Variants in WDR26 observed in about 807,000 individuals in gnomAD.
WDR26 encodes the protein WD repeat-containing protein 26.
In WDR26, 5 loss-of-function variants were observed where a neutral mutation model predicts 84.1. The ratio of observed to expected loss-of-function variants is 0.06; its 90% CI spans 0.03 to 0.13. WDR26 has a LOEUF of 0.13. WDR26 is among the 10% of genes least tolerant of loss of function. The pLI is 1.00. For synonymous variants in WDR26, 415 were observed against 389.6 expected, an observed-to-expected ratio of 1.07 and a Z score of -0.77; for missense variants, 642 against 974.9, an observed-to-expected ratio of 0.66 and a Z score of 4.55.
chr1:224,403,888 G>C (rs1673485883), intron 8 of WDR26, among the ~76,000 whole-genome samples: 1 of 152,136 alleles, frequency 6.6e-6, no homozygotes, highest in Non-Finnish European at 1.5e-5. Flanking sequence ...AGTGAGCCGA[G>C]ATTGCGCCAC....
chr1:224,426,885 A>T (rs1048386242), intron 3 of WDR26, among the ~76,000 whole-genome samples: 2 of 151,506 alleles, frequency 1.3e-5, no homozygotes, highest in African/African-American at 4.8e-5. Flanking sequence ...TCACGAGGTC[A>T]GCAGTTCGAG....
intron 4 of WDR26, among the ~76,000 whole-genome samples, chr1:224,420,608 T>C (rs1325612696): frequency 6.6e-6 from 1 of 152,228 alleles, no homozygotes. Context: ...GCATATTTCA[T>C]TTAGAATCTA....
At chr1:224,404,038 T>C (rs1673490023) in intron 8 of WDR26, among the ~76,000 whole-genome samples, 1 of 152,184 alleles carries the variant, frequency 6.6e-6, no homozygotes, top group South Asian at 2.1e-4. Flanking sequence ...ATATTAAATA[T>C]AGGCAAGGAG....
intron 1 of WDR26, 62 bp downstream of exon 1, chr1:224,433,613 CCTTCCCCTA>C: frequency 1.4e-5 from 14 of 979,990 alleles, no homozygotes; most frequent in East Asian, 4.3e-5. Flanking sequence ...CCCCTCCGCC[CCTTCCCCTA>C]CCCCCCTGGA....
intron 10 of WDR26, 125 bp downstream of exon 10, chr1:224,398,764 A>C (rs1203647765): frequency 2.3e-6 from 3 of 1,293,664 alleles, no homozygotes; most frequent in Non-Finnish European, 3.2e-6. Context: ...GTACCATGTG[A>C]CCTTCAATCC....
chr1:224,431,410 G>T, intron 3 of WDR26, 67 bp downstream of exon 3: 1 of 1,420,492 alleles, frequency 7.0e-7, no homozygotes, highest in Non-Finnish European at 9.8e-7. Context: ...AGAGGCAGAA[G>T]CCTAGAGTTA....
In WDR26 at chr1:224,388,875, T is replaced by C. The variant is rs771646428; in HGVS notation, c.*960A>G. On this transcript the variant is annotated 3_prime_UTR_variant, in exon 14 of 14. Coordinates refer to ENST00000414423, the MANE Select transcript of WDR26 (RefSeq NM_001379403.1). ...ACCAACTGACTACTGATGTCTCATG[T>C]TGGTGTATTTAAAATTCTTTTTGAA... is the stretch of plus-strand genomic sequence containing the variant. The C allele has an allele frequency of 2.6e-5, 4 of 152,586 alleles. No individual in the cohort carries two copies. Among genetic ancestry groups the C allele is most frequent in the Non-Finnish European group, 4.4e-5 (3 of 68,032 alleles). 9.5% of individuals were successfully genotyped at this position (152,586 alleles called of 1,614,324 possible).
At chr1:224,407,172 A>ATATATATATATATATATG (rs1491214480) in intron 7 of WDR26, among the ~76,000 whole-genome samples, 5 of 111,970 alleles carry the variant, frequency 4.5e-5, no homozygotes, top group African/African-American at 1.8e-4. Flanking sequence ...ATATATATAT[A>ATATATATATATATATATG]ACTCAAAAAC....
intron 4 of WDR26, among the ~76,000 whole-genome samples, chr1:224,420,512 A>G (rs1379894791): frequency 6.6e-6 from 1 of 152,226 alleles, no homozygotes; most frequent in Non-Finnish European, 1.5e-5. Flanking sequence ...TTGAAGATGA[A>G]GCATTTTAAG....
intron 6 of WDR26, 107 bp downstream of exon 6, chr1:224,418,153 A>C: frequency 1.1e-6 from 1 of 882,382 alleles, no homozygotes; most frequent in Non-Finnish European, 1.6e-6. Flanking sequence ...ACAAATGCTA[A>C]ATCAGACATG....
chr1:224,412,257 A>G (rs1469201430), intron 6 of WDR26, among the ~76,000 whole-genome samples: 1 of 152,194 alleles, frequency 6.6e-6, no homozygotes, highest in Non-Finnish European at 1.5e-5. Flanking sequence ...TGCACAGGAG[A>G]AGTGCAATAT....
At chr1:224,411,703 T>A in intron 6 of WDR26, 138 bp from the exon 7 acceptor site, 25 of 907,390 alleles carry the variant, frequency 2.8e-5, no homozygotes, top group Non-Finnish European at 3.3e-5. Flanking sequence ...CATTTGTAAA[T>A]CTTTTTTTTT....
Position 224,433,671 on chromosome 1 carries a change from A to T in WDR26, c.722+13T>A. The T allele has an allele frequency of 7.8e-7, 1 of 1,286,590 alleles. No homozygotes were observed. The highest frequency in any genetic ancestry group is 1.0e-6 in the Non-Finnish European group (1 of 995,746). 79.7% of individuals were successfully genotyped at this position (1,286,590 alleles called of 1,614,324 possible). On this transcript the variant is annotated intron_variant, in intron 1 of 13. Transcript: ENST00000414423. ...GGTCTGTCCATCACCAGCTGGCGGT[A>T]AGGGATACTTACTTGAGCCCTAAGC...
intron 7 of WDR26, among the ~76,000 whole-genome samples, chr1:224,410,189 G>A (rs866369503): frequency 6.0e-5 from 9 of 148,854 alleles, no homozygotes; most frequent in South Asian, 2.1e-4. Context: ...GCTGAGGCAG[G>A]AGAATCCCTT....
chr1:224,415,979 C>G (rs900144610), intron 6 of WDR26, among the ~76,000 whole-genome samples: 16 of 152,052 alleles, frequency 1.1e-4, no homozygotes, highest in African/African-American at 3.6e-4. Context: ...ATGTTAGCTA[C>G]ACAGGTCCTA....
At chr1:224,413,088 C>A in intron 6 of WDR26, 1 of 189,292 alleles carries the variant, frequency 5.3e-6, no homozygotes, top group Admixed American at 5.5e-5. Context: ...ACTCAAGAAG[C>A]TGAGGCAGGA....
intron 3 of WDR26, among the ~76,000 whole-genome samples, chr1:224,428,400 A>G (rs1344605403): frequency 1.3e-5 from 2 of 152,188 alleles, no homozygotes; most frequent in Non-Finnish European, 2.9e-5. Context: ...GAAATAAATT[A>G]TATCTAAACT....
At position 224,401,080 on chromosome 1, in the gene WDR26, A is replaced by G. The variant is rs757241485; in HGVS notation, c.1600-11T>C. ...CCTTAGTTCTCCTGTCTATAAGGAA[A>G]TAAAACTGTAAATGAGACCTTCAAG... On this transcript the variant is annotated splice_polypyrimidine_tract_variant and intron_variant, in intron 8 of 13. Coordinates refer to ENST00000414423, the MANE Select transcript of WDR26 (RefSeq NM_001379403.1). The G allele has an allele frequency of 1.2e-6, 2 of 1,611,136 alleles. No individual in the cohort carries two copies. The highest frequency in any genetic ancestry group is 1.7e-6 in the Non-Finnish European group (2 of 1,178,916).
At chr1:224,430,878 T>G (rs1674370883) in intron 3 of WDR26, 1 of 152,272 alleles carries the variant, frequency 6.6e-6, no homozygotes, top group African/African-American at 2.4e-5. Flanking sequence ...AACTACTAAA[T>G]TGATCTTGTC....
Sources: allele counts gnomAD v4.1 joint callset (sites outside exome capture counted in the v4.1 genomes callset), GRCh38; gene constraint gnomAD v4.1.1; transcripts MANE v1.5; gene names NCBI Gene and HGNC (gene_info 2026-07-23, HGNC 2026-07-21).